The following CPSF3 variants were observed in gnomAD, a reference collection of about 807,000 sequenced individuals.
CPSF3 encodes cleavage and polyadenylation specificity factor subunit 3.
In CPSF3, 57 loss-of-function variants were observed where a neutral mutation model predicts 84.1. That is an observed-to-expected ratio of 0.68 (90% CI 0.55 to 0.85). The LOEUF is 0.85. CPSF3 is among the 40% of genes least tolerant of loss of function. The probability of loss-of-function intolerance (pLI) is 0.00; values close to 1 mark genes in which losing one functional copy is unlikely to be tolerated. For missense variants in CPSF3, 522 were observed against 838.8 expected (o/e 0.62, Z 4.66); for synonymous variants, 275 against 278.1 (o/e 0.99, Z 0.11).
chr2:9,428,665 A>G, intron 1 of CPSF3, 100 bp from the exon 2 acceptor site: 1 of 733,206 alleles, frequency 1.4e-6, no homozygotes, highest in Non-Finnish European at 2.4e-6. Context: ...AGGTGCTGTC[A>G]TCAGATGGCA....
At chr2:9,472,333 AAAAG>A (rs983075882) in intron 17 of CPSF3, among the ~76,000 whole-genome samples, 3 of 152,068 alleles carry the variant, frequency 2.0e-5, no homozygotes, top group Admixed American at 6.6e-5. Flanking sequence ...AAAAAAAAAA[AAAAG>A]AAGCAACTAG....
At chr2:9,448,168 A>G (rs1215614155) in intron 10 of CPSF3, 30 bp from the exon 11 acceptor site, 2 of 1,384,622 alleles carry the variant, frequency 1.4e-6, no homozygotes, top group African/African-American at 1.4e-5. Flanking sequence ...TGATGTTTCC[A>G]TATATTCTTT....
intron 11 of CPSF3, among the ~76,000 whole-genome samples, chr2:9,449,505 G>C (rs939986301): frequency 2.0e-5 from 3 of 152,188 alleles, no homozygotes; most frequent in Non-Finnish European, 4.4e-5. Context: ...ACTTTGGGAG[G>C]CCAAGTCAGG....
chr2:9,430,859 T>C lies in CPSF3; in HGVS notation c.320T>C (p.Leu107Pro). The C allele has an allele frequency of 6.2e-7, 1 of 1,612,924 alleles. No homozygotes were observed. The highest frequency in any genetic ancestry group is 8.5e-7 in the Non-Finnish European group (1 of 1,179,032). ...ACAAAAGCTATTTATAGATGGCTTC[T>C]TTCTGATTATGTCAAAGTTAGGTAA... ...HATKAIYRWL[L>P]SDYVKVSNIS... is the part of the protein sequence containing the mutation. Residue 107 changes from leucine (L) to proline (P), a missense_variant, in exon 4 of 18, where the codon CTT becomes CCT. This residue lies in a region of CPSF3 where 329 missense variants were observed against 607.2 expected (regional missense o/e 0.54). Coordinates refer to ENST00000238112, the MANE Select transcript of CPSF3 (RefSeq NM_016207.4).
chr2:9,427,292 G>A (rs780221103), intron 1 of CPSF3, among the ~76,000 whole-genome samples: 6 of 152,156 alleles, frequency 3.9e-5, no homozygotes, highest in Non-Finnish European at 8.8e-5. Context: ...GTACCCTGTT[G>A]GTACATGTAT....
At chr2:9,451,739 A>G (rs1681336415) in intron 11 of CPSF3, among the ~76,000 whole-genome samples, 1 of 142,070 alleles carries the variant, frequency 7.0e-6, no homozygotes, top group South Asian at 2.2e-4. Flanking sequence ...TTTTTTTGAG[A>G]AAAAGTCTCG....
chr2:9,437,907 T>G (rs929571544), intron 7 of CPSF3, among the ~76,000 whole-genome samples: 1 of 151,932 alleles, frequency 6.6e-6, no homozygotes, highest in African/African-American at 2.4e-5. Context: ...GAGACTGAGG[T>G]AGGAGTATCA....
At chr2:9,461,887 G>A (rs1009878336) in intron 15 of CPSF3, among the ~76,000 whole-genome samples, 1 of 151,528 alleles carries the variant, frequency 6.6e-6, no homozygotes, top group Non-Finnish European at 1.5e-5. Context: ...TCAGCCTCCT[G>A]AGTAGCTGGG....
At chr2:9,424,385 T>C in intron 1 of CPSF3, 1 of 503,326 alleles carries the variant, frequency 2.0e-6, no homozygotes, top group South Asian at 8.5e-5. Flanking sequence ...AGTGCAGAGG[T>C]GTTAGGGACA....
rs973143803 is a variant in CPSF3, at chr2:9,434,079, T to A, written c.609+119T>A. 19 of 626,160 alleles carry A rather than the reference T, an allele frequency of 3.0e-5. No homozygotes were observed. In the African/African-American group the frequency reaches 3.0e-4, roughly 10 times the overall value. 38.8% of individuals were successfully genotyped at this position (626,160 alleles called of 1,614,324 possible). On this transcript the variant is annotated intron_variant, in intron 6 of 17. Coordinates refer to ENST00000238112, the MANE Select transcript of CPSF3 (RefSeq NM_016207.4). ...TTATTGGATATAAACTTACCTTTTT[T>A]AAAATATAAGAAAACTGGTGGCCGG...
chr2:9,442,729 G>A (rs1247804196), intron 9 of CPSF3, among the ~76,000 whole-genome samples: 3 of 152,038 alleles, frequency 2.0e-5, no homozygotes, highest in African/African-American at 7.3e-5. Context: ...GCGTATGCCT[G>A]TAATCCCAGC....
intron 9 of CPSF3, among the ~76,000 whole-genome samples, chr2:9,443,175 T>G (rs1160387007): frequency 6.6e-6 from 1 of 152,068 alleles, no homozygotes; most frequent in Non-Finnish European, 1.5e-5. Flanking sequence ...AAACAAAGAT[T>G]TTCAGAATAG....
intron 15 of CPSF3, 122 bp from the exon 16 acceptor site, chr2:9,467,585 C>T: frequency 3.3e-6 from 2 of 601,430 alleles, no homozygotes; most frequent in South Asian, 2.5e-5. Flanking sequence ...CTGCTTGTCA[C>T]TTTAAGGATT....
chr2:9,434,312 T>C (rs1209017082), intron 6 of CPSF3, among the ~76,000 whole-genome samples: 4 of 151,340 alleles, frequency 2.6e-5, no homozygotes, highest in East Asian at 3.9e-4. Flanking sequence ...GAGGTTGCAG[T>C]GAGCCAAGAT....
At chr2:9,466,180 GCA>G (rs34694633) in intron 15 of CPSF3, among the ~76,000 whole-genome samples, 72,150 of 150,050 alleles carry the variant, frequency 0.48, 18,600 homozygotes, top group Middle Eastern at 0.66. Flanking sequence ...GTCTCTACAC[GCA>G]CACACACACG....
At chr2:9,452,429 G>A (rs192608649) in intron 11 of CPSF3, among the ~76,000 whole-genome samples, 1 of 151,606 alleles carries the variant, frequency 6.6e-6, no homozygotes, top group Admixed American at 6.6e-5. Flanking sequence ...CTCAATGTAT[G>A]AGCTCACCCA....
At chr2:9,461,743 CTTTT>C (rs530424404) in intron 15 of CPSF3, among the ~76,000 whole-genome samples, 3 of 105,272 alleles carry the variant, frequency 2.8e-5, no homozygotes, top group Non-Finnish European at 3.6e-5. Context: ...GAAGGAGGAT[CTTTT>C]TTTTTTTTTT....
At chr2:9,436,954 A>C (rs1680804997) in intron 7 of CPSF3, among the ~76,000 whole-genome samples, 1 of 152,114 alleles carries the variant, frequency 6.6e-6, no homozygotes, top group Non-Finnish European at 1.5e-5. Context: ...TGAGATGTAC[A>C]GAAAATTTTG....
intron 12 of CPSF3, among the ~76,000 whole-genome samples, chr2:9,454,736 G>T (rs1284043963): frequency 4.0e-5 from 6 of 151,816 alleles, no homozygotes; most frequent in Non-Finnish European, 8.8e-5. Flanking sequence ...AGTAGAGACG[G>T]GGTTTCACCG....
Sources: gnomAD v4.1 joint callset for allele counts (sites outside exome capture counted in the v4.1 genomes callset) on GRCh38, gnomAD v4.1.1 for gene constraint, gnomAD v4.1.1 regional missense constraint, MANE v1.5 for transcripts, NCBI Gene and HGNC (gene_info 2026-07-23, HGNC 2026-07-21) for gene names.